NLGN1: variants seen among roughly 807,000 people sequenced by gnomAD.
NLGN1 encodes neuroligin-1.
NLGN1 carries 12 observed loss-of-function variants against 65.5 expected under a neutral mutation model. The ratio of observed to expected loss-of-function variants is 0.18; its 90% CI spans 0.12 to 0.30. NLGN1 has a LOEUF of 0.30. Ranked by LOEUF, NLGN1 falls within the 10% of genes least tolerant of loss-of-function variation. The pLI is 1.00. For synonymous variants in NLGN1, 350 were observed against 359.5 expected (o/e 0.97, Z 0.30); for missense variants, 750 against 1,007.1 (o/e 0.74, Z 3.46).
intron 2 of NLGN1, among the ~76,000 whole-genome samples, chr3:173,444,988 G>A (rs192246771): frequency 6.6e-6 from 1 of 151,342 alleles, no homozygotes; most frequent in Non-Finnish European, 1.5e-5. Flanking sequence ...GGACTTGGCC[G>A]GGCGCGGTCG....
intron 3 of NLGN1, among the ~76,000 whole-genome samples, chr3:173,626,432 C>A (rs185155855): frequency 1.3e-5 from 2 of 152,024 alleles, no homozygotes; most frequent in African/African-American, 4.8e-5. Flanking sequence ...TTTATTTTTA[C>A]TTTTAGGCAT....
chr3:173,979,343 A>G (rs947891119), intron 4 of NLGN1, among the ~76,000 whole-genome samples: 4 of 152,146 alleles, frequency 2.6e-5, no homozygotes, highest in Non-Finnish European at 5.9e-5. Flanking sequence ...GAATAATCCA[A>G]GGAATAGGGA....
chr3:173,534,958 G>C (rs1162392813), intron 2 of NLGN1, among the ~76,000 whole-genome samples: 3 of 152,118 alleles, frequency 2.0e-5, no homozygotes, highest in African/African-American at 7.2e-5. Context: ...GTAAGCAGCT[G>C]TTATGTTCTT....
intron 1 of NLGN1, among the ~76,000 whole-genome samples, chr3:173,408,228 T>C (rs1184907249): frequency 6.6e-6 from 1 of 152,154 alleles, no homozygotes; most frequent in Non-Finnish European, 1.5e-5. Context: ...CCATGCTCCT[T>C]TTCAACATGG....
At chr3:174,004,979 A>T (rs1223487829) in intron 4 of NLGN1, among the ~76,000 whole-genome samples, 1 of 152,164 alleles carries the variant, frequency 6.6e-6, no homozygotes, top group Admixed American at 6.5e-5. Context: ...TCTAAAGATT[A>T]TTTGATATAT....
chr3:173,631,387 T>G (rs557788696), intron 3 of NLGN1, among the ~76,000 whole-genome samples: 4 of 152,292 alleles, frequency 2.6e-5, no homozygotes, highest in African/African-American at 9.6e-5. Context: ...TGACCTGCCT[T>G]TTACTCCCGA....
chr3:173,880,946 A>G (rs1428852831), intron 4 of NLGN1, among the ~76,000 whole-genome samples: 1 of 152,178 alleles, frequency 6.6e-6, no homozygotes, highest in African/African-American at 2.4e-5. Context: ...TGTCATTTCA[A>G]CTATATGCAC....
chr3:173,832,444 G>T (rs1722786674), intron 4 of NLGN1, among the ~76,000 whole-genome samples: 1 of 152,146 alleles, frequency 6.6e-6, no homozygotes, highest in Non-Finnish European at 1.5e-5. Context: ...ATGCCAATTT[G>T]TAGCCATCCG....
intron 4 of NLGN1, among the ~76,000 whole-genome samples, chr3:174,212,689 C>T (rs1401614902): frequency 1.3e-5 from 2 of 152,144 alleles, no homozygotes; most frequent in African/African-American, 2.4e-5. Context: ...AGTAAGTTAC[C>T]ACAAATATAA....
chr3:174,202,011 C>G (rs759013476), intron 4 of NLGN1, among the ~76,000 whole-genome samples: 4 of 152,004 alleles, frequency 2.6e-5, no homozygotes, highest in African/African-American at 9.7e-5. Flanking sequence ...TTCCTCTCTT[C>G]CCATTTCTTC....
At chr3:173,447,293 T>C (rs1198350840) in intron 2 of NLGN1, among the ~76,000 whole-genome samples, 1 of 152,216 alleles carries the variant, frequency 6.6e-6, no homozygotes, top group Non-Finnish European at 1.5e-5. Context: ...GGCTAGCCAG[T>C]TTTCCCAGCA....
rs1241761532 is a variant in NLGN1, at chr3:174,187,529, T to C, written c.647-87786T>C. Among the ~76,000 whole-genome samples the C allele has an allele frequency of 2.0e-5, 3 of 152,034 alleles. No homozygotes were observed. The East Asian group carries it at 5.8e-4, about 29-fold the overall frequency. ...GAGTTTAGAGAGATAATGCTTTTGC[T>C]GTATGGATGACGTGGATTCTGTCTG... On this transcript the variant is annotated intron_variant, in intron 4 of 6. Transcript: ENST00000457714.
intron 3 of NLGN1, among the ~76,000 whole-genome samples, chr3:173,789,067 T>C (rs933471474): frequency 5.3e-5 from 8 of 151,546 alleles, no homozygotes; most frequent in Admixed American, 2.0e-4. Flanking sequence ...GGAATGGTGG[T>C]GTGCACCTGT....
At chr3:173,466,407 A>T (rs1576826471) in intron 2 of NLGN1, among the ~76,000 whole-genome samples, 1 of 152,162 alleles carries the variant, frequency 6.6e-6, no homozygotes, top group African/African-American at 2.4e-5. Context: ...AGGAGTTCCT[A>T]GTTGTAAATA....
intron 3 of NLGN1, among the ~76,000 whole-genome samples, chr3:173,624,068 A>G (rs1754441441): frequency 1.3e-5 from 2 of 152,092 alleles, no homozygotes; most frequent in South Asian, 4.1e-4. Context: ...CTCTAACAAC[A>G]GGTCAGCTGT....
At chr3:173,419,824 T>C (rs1714634315) in intron 1 of NLGN1, among the ~76,000 whole-genome samples, 1 of 151,908 alleles carries the variant, frequency 6.6e-6, no homozygotes, top group African/African-American at 2.4e-5. Flanking sequence ...AATACAAAAA[T>C]TAGCTGGGCG....
exon 7 of NLGN1, chr3:174,283,253 C>T (rs1268161495): frequency 1.3e-5 from 2 of 151,244 alleles, no homozygotes; most frequent in Non-Finnish European, 3.0e-5. Flanking sequence ...AAAACACAAA[C>T]ATGTATTTAA....
rs1239003896 is a variant in NLGN1, at chr3:174,192,503, AC to A, written c.647-82811del. On this transcript the variant is annotated intron_variant, in intron 4 of 6. Transcript: ENST00000457714. Reference sequence around the variant, plus strand: ...TTTTCAACAAGTTAACAGGGCAAATACTTTTATTTATCTATGCATTCAATAT... The same window carrying A: ...TTTTCAACAAGTTAACAGGGCAAATATTTTATTTATCTATGCATTCAATAT... Among the ~76,000 whole-genome samples, 3 of 152,302 alleles carry A rather than the reference AC, an allele frequency of 2.0e-5. No individual in the cohort carries two copies. The Middle Eastern group carries it at 0.01, about 518-fold the overall frequency.
chr3:174,243,421 C>T (rs958902042), intron 4 of NLGN1, among the ~76,000 whole-genome samples: 7 of 152,084 alleles, frequency 4.6e-5, no homozygotes, highest in African/African-American at 1.7e-4. Flanking sequence ...TAAGCTGCCG[C>T]CACAAAGCAA....
Sources: allele counts gnomAD v4.1 joint callset (sites outside exome capture counted in the v4.1 genomes callset), GRCh38; gene constraint gnomAD v4.1.1; transcripts MANE v1.5; gene names NCBI Gene and HGNC (gene_info 2026-07-23, HGNC 2026-07-21).